ABCB8: variants seen among roughly 807,000 people sequenced by gnomAD.
The protein encoded by ABCB8 is mitochondrial potassium channel ATP-binding subunit.
ABCB8 carries 52 observed loss-of-function variants against 73.0 expected under a neutral mutation model. The observed-to-expected ratio is 0.71, with a 90% CI of 0.57 to 0.90. The LOEUF is 0.90. Ranked by LOEUF, ABCB8 falls within the 40% of genes least tolerant of loss-of-function variation. The probability of loss-of-function intolerance (pLI) is 0.00; values close to 1 mark genes in which losing one functional copy is unlikely to be tolerated. For synonymous variants in ABCB8, 428 were observed against 423.5 expected (o/e 1.01, Z -0.13); for missense variants, 909 against 974.6 (o/e 0.93, Z 0.90).
chr7:151,042,437 G>A (rs917754391), intron 14 of ABCB8, among the ~76,000 whole-genome samples: 4 of 152,172 alleles, frequency 2.6e-5, no homozygotes, highest in African/African-American at 4.8e-5. Flanking sequence ...AGTCCTCACC[G>A]AGTCTAAAAG....
Position 151,042,076 on chromosome 7 carries a change from C to T in ABCB8, c.1733C>T (p.Thr578Ile). 2 of 1,613,164 alleles carry T rather than the reference C, an allele frequency of 1.2e-6. No homozygotes were observed. The highest frequency in any genetic ancestry group is 1.7e-6 in the Non-Finnish European group (2 of 1,179,954). ...GAAGCGAATGCTCACGAGTTCATCA[C>T]CAGCTTCCCCGAGGGCTACAACACG... ...AREANAHEFI[T>I]SFPEGYNTVV... The change falls in exon 14 of 16, where the codon ACC (threonine) becomes ATC (isoleucine). Residue 578 changes from threonine to isoleucine, a missense_variant. Physicochemically the swap from Thr to Ile is moderately conservative, Grantham distance 89. Transcript: ENST00000358849.
intron 1 of ABCB8, chr7:151,033,242 C>T: frequency 2.3e-6 from 1 of 435,586 alleles, no homozygotes; most frequent in Non-Finnish European, 4.2e-6. Context: ...CCGGCCCCTT[C>T]CTGTCCAGGC....
chr7:151,032,809 T>C (rs1344658204), intron 1 of ABCB8: 2 of 332,474 alleles, frequency 6.0e-6, no homozygotes, highest in East Asian at 7.7e-5. Context: ...AGATAAGTTA[T>C]TAGAATTCTT....
chr7:151,035,371 C>T (rs777182155), intron 5 of ABCB8, among the ~76,000 whole-genome samples: 52 of 152,192 alleles, frequency 3.4e-4, no homozygotes, highest in Non-Finnish European at 3.7e-4. Context: ...ATAGCATTCT[C>T]GCTCGGCCCC....
Position 151,040,676 on chromosome 7 carries a change from G to A in ABCB8, c.1388+42G>A, listed in dbSNP as rs372152427. 1.1e-5 allele frequency: 18 copies of A among 1,602,626 alleles called. No homozygotes were observed. The Admixed American group carries it at 1.5e-4, about 13-fold the overall frequency. ...AGGCGTGGGGATGGGTCCCTGGGCCGGGGATGAGGCGAGTGGATTCGGGGG... is the reference window on the plus strand; with the variant it reads ...AGGCGTGGGGATGGGTCCCTGGGCCAGGGATGAGGCGAGTGGATTCGGGGG... On this transcript the variant is annotated intron_variant, in intron 11 of 15. Coordinates refer to ENST00000358849, the MANE Select transcript of ABCB8 (RefSeq NM_007188.5).
At position 151,044,044 on chromosome 7, in the gene ABCB8, C is replaced by G; in HGVS notation, c.1839C>G (p.Pro613=). Residue 613 remains proline, a synonymous_variant, in exon 15 of 16, where the codon CCC becomes CCG. Transcript: ENST00000358849. The stretch of plus-strand genomic sequence containing the variant: ...TCGCCCGAGCCCTTATCAAGCAGCC[C>G]ACGGTGCTGATACTGGATGAAGCTA... The part of the protein sequence containing the change: ...LAIARALIKQ[P]TVLILDEATS... The G allele has an allele frequency of 6.2e-7, 1 of 1,613,382 alleles. No homozygotes were observed. The highest frequency in any genetic ancestry group is 8.5e-7 in the Non-Finnish European group (1 of 1,179,890).
At chr7:151,029,276 C>T (rs532724289) in intron 1 of ABCB8, among the ~76,000 whole-genome samples, 16 of 148,782 alleles carry the variant, frequency 1.1e-4, no homozygotes, top group Non-Finnish European at 3.0e-5. Flanking sequence ...CACTCCAGCC[C>T]GGGTGATAGA....
intron 1 of ABCB8, chr7:151,029,869 G>A (rs1424092932): frequency 6.6e-6 from 1 of 152,200 alleles, no homozygotes; most frequent in East Asian, 1.9e-4. Flanking sequence ...CCCAAGGGCA[G>A]GTGGATGTGG....
chr7:151,045,092 G>T, intron 15 of ABCB8, 117 bp from the exon 16 acceptor site: 1 of 1,312,484 alleles, frequency 7.6e-7, no homozygotes, highest in South Asian at 1.8e-5. Flanking sequence ...GTCCCCAGAA[G>T]GGACACCGGC....
intron 1 of ABCB8, chr7:151,031,150 A>G (rs1796150615): frequency 4.9e-6 from 4 of 822,836 alleles, no homozygotes; most frequent in Non-Finnish European, 7.9e-6. Flanking sequence ...GAGGGCATGC[A>G]TGTGCTCAAC....
rs1796589701 is a variant in ABCB8 at position 151,045,440 on chromosome 7, G to A, written c.*91G>A. ...AGCCTACTGGGGACTGAGCCCCCAG[G>A]AGGGCCAGCATGTGGAGAGTCGCTG... On this transcript the variant is annotated 3_prime_UTR_variant, in exon 16 of 16. Coordinates refer to ENST00000358849, the MANE Select transcript of ABCB8 (RefSeq NM_007188.5). 1 of 1,351,524 alleles carries A rather than the reference G, an allele frequency of 7.4e-7. No homozygotes were observed. The highest frequency in any genetic ancestry group is 1.5e-5 in the African/African-American group (1 of 65,958). 83.7% of individuals were successfully genotyped at this position (1,351,524 alleles called of 1,614,324 possible).
rs199699380 is a variant in ABCB8, at chr7:151,034,594, G to A, written c.654G>A (p.Leu218=). 5.9e-4 allele frequency: 951 copies of A among 1,613,846 alleles called. 1 individual carries two copies. The highest frequency in any genetic ancestry group is 3.1e-3 in the Admixed American group (188 of 60,022). ...VDMRRALFSS[L]LRQDITFFDA... is the part of the protein sequence containing the mutation. ...TGCGGAGGGCCCTCTTCAGCTCCCT[G>A]CTCCGGTACTGCCAGCCGCAGGGTG... The change falls in exon 4 of 16, where the codon CTG becomes CTA. Residue 218 remains leucine (L), a synonymous_variant. Coordinates refer to ENST00000358849, the MANE Select transcript of ABCB8 (RefSeq NM_007188.5).
intron 12 of ABCB8, 76 bp downstream of exon 12, chr7:151,040,998 G>T (rs1210939568): frequency 1.9e-6 from 3 of 1,607,546 alleles, no homozygotes; most frequent in East Asian, 2.2e-5. Flanking sequence ...GGAGCAGTGA[G>T]CCCCCGGTGG....
At chr7:151,040,238 T>G (rs758844028) in intron 9 of ABCB8, 30 bp from the exon 10 acceptor site, 6 of 1,608,540 alleles carry the variant, frequency 3.7e-6, no homozygotes, top group Non-Finnish European at 5.1e-6. Context: ...TGTTCCCATC[T>G]ATTCCACCCC....
At chr7:151,040,979 G>A in intron 12 of ABCB8, 57 bp downstream of exon 12, 9 of 1,605,454 alleles carry the variant, frequency 5.6e-6, no homozygotes, top group Non-Finnish European at 7.7e-6. Flanking sequence ...GCCACTCAGA[G>A]CAAGGCCGGG....
Position 151,041,161 on chromosome 7 carries a change from C to T in ABCB8, c.1546C>T (p.Leu516=). 6.2e-7 allele frequency: 1 copy of T among 1,611,660 alleles called. No homozygotes were observed. Among genetic ancestry groups the T allele is most frequent in the Non-Finnish European group, 8.5e-7 (1 of 1,179,996 alleles). Residue 516 remains leucine (L), a synonymous_variant, in exon 13 of 16, where the codon CTG becomes TTG. Transcript: ENST00000358849. ...FYDPTAGVVM[L]DGRDLRTLDP... The stretch of plus-strand genomic sequence containing the variant: ...CGACCCCACGGCAGGCGTGGTGATG[C>T]TGGATGGGCGGGACCTGCGCACCCT...
In ABCB8 at chr7:151,047,318, G is replaced by C. The variant is rs530641195; in HGVS notation, c.*1969G>C. On this transcript the variant is annotated 3_prime_UTR_variant, in exon 16 of 16. Coordinates refer to ENST00000358849, the MANE Select transcript of ABCB8 (RefSeq NM_007188.5). ...ACCTCGCCTCGGCCTTCGCTCCACA[G>C]TGGAGAGTGGGAGCCTAGCTGTGCT... 1 of 152,294 alleles carries C rather than the reference G, an allele frequency of 6.6e-6. No homozygotes were observed. Among genetic ancestry groups the C allele is most frequent in the South Asian group, 2.1e-4 (1 of 4,838 alleles). 9.4% of individuals were successfully genotyped at this position (152,294 alleles called of 1,614,324 possible). A position where few individuals can be genotyped will look rare whatever the true frequency, so the allele number is the denominator to read the frequency against.
chr7:151,035,568 T>A lies in ABCB8; in HGVS notation c.766-13T>A. On this transcript the variant is annotated splice_polypyrimidine_tract_variant and intron_variant, in intron 5 of 15. Transcript: ENST00000358849. ...GGACGCCGTAGCCTCCCGCCTTCCC[T>A]CCCACTCCCTAGGGGCTGCGAAGCT... is the stretch of plus-strand genomic sequence containing the variant. 1 of 1,581,260 alleles carries A rather than the reference T, an allele frequency of 6.3e-7. No individual in the cohort carries two copies. Among genetic ancestry groups the A allele is most frequent in the South Asian group, 1.1e-5 (1 of 88,854 alleles).
Position 151,033,905 on chromosome 7 carries a change from G to T in ABCB8, c.396G>T (p.Gly132=). ...QFLHPHLLVL[G]VAVVLALGAA... is the part of the protein sequence containing the mutation. ...TGCACCCCCACCTGCTGGTCCTGGG[G>T]GTAGCCGTCGTGGTGAGGCTTTCCC... Residue 132 remains glycine, a synonymous_variant, in exon 2 of 16, where the codon GGG becomes GGT. Transcript: ENST00000358849. 6.3e-7 allele frequency: 1 copy of T among 1,597,290 alleles called. No homozygotes were observed. Among genetic ancestry groups the T allele is most frequent in the Non-Finnish European group, 8.5e-7 (1 of 1,170,156 alleles).
Sources: gnomAD v4.1 joint callset for allele counts (sites outside exome capture counted in the v4.1 genomes callset) on GRCh38, gnomAD v4.1.1 for gene constraint, MANE v1.5 for transcripts, NCBI Gene and HGNC (gene_info 2026-07-23, HGNC 2026-07-21) for gene names.